The following ARPP21 variants were observed in gnomAD, a reference collection of about 807,000 sequenced individuals.
ARPP21 encodes cAMP regulated phosphoprotein 21.
In ARPP21, 69 loss-of-function variants were observed where a neutral mutation model predicts 113.2. The ratio of observed to expected loss-of-function variants is 0.61; its 90% CI spans 0.50 to 0.74. ARPP21 has a LOEUF of 0.74. Among genes scored for constraint, ARPP21 ranks in the 30% least tolerant of loss-of-function variants. The pLI is 0.00. For missense variants in ARPP21, 1,070 were observed against 1,037.4 expected (o/e 1.03, Z -0.43); for synonymous variants, 368 against 375.5 (o/e 0.98, Z 0.23).
chr3:35,716,216 C>T (rs2092372455), intron 12 of ARPP21, among the ~76,000 whole-genome samples: 2 of 152,038 alleles, frequency 1.3e-5, no homozygotes, highest in South Asian at 2.1e-4. Flanking sequence ...TCCAAATTAA[C>T]TGCACTAATC....
At chr3:35,713,705 C>T (rs2091830454) in intron 11 of ARPP21, among the ~76,000 whole-genome samples, 1 of 152,136 alleles carries the variant, frequency 6.6e-6, no homozygotes, top group African/African-American at 2.4e-5. Flanking sequence ...GGCAAGGTAT[C>T]TTTGACTTGC....
At chr3:35,741,745 A>T (rs1382443188) in intron 18 of ARPP21, among the ~76,000 whole-genome samples, 1 of 152,182 alleles carries the variant, frequency 6.6e-6, no homozygotes, top group African/African-American at 2.4e-5. Flanking sequence ...CTTTGGGGCT[A>T]TTCTTACTCC....
intron 19 of ARPP21, among the ~76,000 whole-genome samples, chr3:35,749,551 G>A (rs981988424): frequency 2.6e-5 from 4 of 151,222 alleles, no homozygotes; most frequent in Non-Finnish European, 5.9e-5. Context: ...CTCATAAAAT[G>A]AATGGGAAAG....
intron 19 of ARPP21, among the ~76,000 whole-genome samples, chr3:35,749,722 A>G (rs1000489719): frequency 6.6e-6 from 1 of 152,122 alleles, no homozygotes; most frequent in Admixed American, 6.5e-5. Context: ...GAGATTTTAA[A>G]TTGTGAGTTA....
intron 19 of ARPP21, among the ~76,000 whole-genome samples, chr3:35,756,860 G>T (rs2095589286): frequency 6.6e-6 from 1 of 152,170 alleles, no homozygotes; most frequent in South Asian, 2.1e-4. Context: ...GGATATTGCA[G>T]TAGAACACAC....
chr3:35,653,834 CA>C (rs1703572237), intron 1 of ARPP21, among the ~76,000 whole-genome samples: 1 of 151,880 alleles, frequency 6.6e-6, no homozygotes, highest in African/African-American at 2.4e-5. Flanking sequence ...GTATGTATAT[CA>C]ATATTTGTTT....
At chr3:35,712,785 TG>T (rs1222168018) in intron 11 of ARPP21, among the ~76,000 whole-genome samples, 1 of 152,200 alleles carries the variant, frequency 6.6e-6, no homozygotes, top group Non-Finnish European at 1.5e-5. Context: ...ATGTATTTTT[TG>T]TAGTCAATAT....
chr3:35,668,017 G>GAAGAAA lies in ARPP21; in HGVS notation c.-212-11765_-212-11764insAAAGAA, dbSNP rs1559550318. On this transcript the variant is annotated intron_variant, in intron 1 of 20. Transcript: ENST00000684406. ...AGAAGAAGAAGAAGAAGAAGAAGAA[G>GAAGAAA]AAGAAGAAGAAGAAGGAGAAGAAGA... Among the ~76,000 whole-genome samples the GAAGAAA allele has an allele frequency of 8.0e-4, 119 of 149,580 alleles. 2 individuals carry two copies. Among genetic ancestry groups the GAAGAAA allele is most frequent in the African/African-American group, 2.8e-3 (113 of 40,000 alleles).
At chr3:35,733,743 G>C (rs932631283) in intron 15 of ARPP21, among the ~76,000 whole-genome samples, 1 of 152,110 alleles carries the variant, frequency 6.6e-6, no homozygotes, top group Non-Finnish European at 1.5e-5. Flanking sequence ...ATGTTTCTCA[G>C]TTCTTTCCAT....
At chr3:35,758,042 T>C (rs1196414146) in intron 19 of ARPP21, among the ~76,000 whole-genome samples, 1 of 152,072 alleles carries the variant, frequency 6.6e-6, no homozygotes, top group East Asian at 1.9e-4. Flanking sequence ...GGAAAACAAA[T>C]AGAAAATTTA....
intron 19 of ARPP21, among the ~76,000 whole-genome samples, chr3:35,781,955 A>G (rs2096535606): frequency 6.6e-6 from 1 of 152,192 alleles, no homozygotes; most frequent in Non-Finnish European, 1.5e-5. Flanking sequence ...ATAACCTAGA[A>G]CTAATCAATT....
intron 2 of ARPP21, among the ~76,000 whole-genome samples, chr3:35,680,419 A>G (rs892093412): frequency 2.0e-5 from 3 of 151,828 alleles, no homozygotes; most frequent in African/African-American, 7.2e-5. Flanking sequence ...CATTCCCACA[A>G]TCCTTTGCTG....
intron 1 of ARPP21, among the ~76,000 whole-genome samples, chr3:35,643,368 A>T (rs1698886837): frequency 1.3e-5 from 2 of 152,076 alleles, no homozygotes; most frequent in South Asian, 4.1e-4. Context: ...TACTAAGGAA[A>T]ATACATCACA....
At chr3:35,684,991 G>A (rs2080118075) in intron 5 of ARPP21, 2 of 983,976 alleles carry the variant, frequency 2.0e-6, no homozygotes, top group Non-Finnish European at 2.4e-6. Context: ...GGAGAATAAT[G>A]TGAATATCAC....
intron 19 of ARPP21, among the ~76,000 whole-genome samples, chr3:35,765,063 A>G (rs1166400368): frequency 6.6e-6 from 1 of 152,162 alleles, no homozygotes; most frequent in Non-Finnish European, 1.5e-5. Context: ...AATTCTACTT[A>G]GGTTAATTAT....
At chr3:35,684,349 G>A (rs1393371189) in intron 5 of ARPP21, 14 of 1,038,416 alleles carry the variant, frequency 1.3e-5, no homozygotes, top group Non-Finnish European at 1.6e-5. Flanking sequence ...AAATGAATCT[G>A]AGCTGATGGT....
rs774083682 is a variant in ARPP21, at chr3:35,709,024, G to C, written c.851G>C (p.Arg284Thr). 2 of 1,613,882 alleles carry C rather than the reference G, an allele frequency of 1.2e-6. No individual in the cohort carries two copies. The highest frequency in any genetic ancestry group is 3.3e-5 in the Admixed American group (2 of 60,014). ...AGACGAAGTAAATCAATTGAAGAGA[G>C]AGAAGAGGAATATCAGAGAGTGAGG... ...DDRRSKSIEE[R>T]EEEYQRVRER... is the part of the protein sequence containing the mutation. The change falls in exon 11 of 21, where the codon AGA (arginine) becomes ACA (threonine). Residue 284 changes from arginine to threonine, a missense_variant. By Grantham distance (71) the Arg-to-Thr change is moderately conservative. Coordinates refer to ENST00000684406, the MANE Select transcript of ARPP21 (RefSeq NM_001385562.1).
intron 1 of ARPP21, among the ~76,000 whole-genome samples, chr3:35,672,051 T>C (rs17201676): frequency 0.1 from 15,769 of 152,074 alleles, 862 homozygotes; most frequent in Non-Finnish European, 0.12. Flanking sequence ...AAGATAGATT[T>C]TCAAAATTAG....
At chr3:35,758,661 A>G (rs1392302612) in intron 19 of ARPP21, among the ~76,000 whole-genome samples, 3 of 152,056 alleles carry the variant, frequency 2.0e-5, no homozygotes, top group African/African-American at 7.2e-5. Flanking sequence ...CCAGGCACAG[A>G]AACTACGCTT....
Sources: gnomAD v4.1 joint callset for allele counts (sites outside exome capture counted in the v4.1 genomes callset) on GRCh38, gnomAD v4.1.1 for gene constraint, MANE v1.5 for transcripts, NCBI Gene and HGNC (gene_info 2026-07-23, HGNC 2026-07-21) for gene names.